The following ASIC2 variants were observed in gnomAD, a reference collection of about 807,000 sequenced individuals.
ASIC2 encodes acid-sensing ion channel 2.
In ASIC2, 25 loss-of-function variants were observed where a neutral mutation model predicts 57.3. The ratio of observed to expected loss-of-function variants is 0.44; its 90% CI spans 0.32 to 0.61. The LOEUF is 0.61. Among genes scored for constraint, ASIC2 ranks in the 20% least tolerant of loss-of-function variants. The pLI, the probability that ASIC2 is intolerant of heterozygous loss-of-function variation, is 0.06. For synonymous variants in ASIC2, 319 were observed against 307.5 expected (o/e 1.04, Z -0.39); for missense variants, 641 against 738.1 (o/e 0.87, Z 1.52).
intron 1 of ASIC2, among the ~76,000 whole-genome samples, chr17:33,664,192 G>A (rs936503120): frequency 6.6e-6 from 1 of 152,150 alleles, no homozygotes; most frequent in Admixed American, 6.5e-5. Context: ...TACACATGTT[G>A]CTTGCTTCCT....
At chr17:33,088,498 G>A (rs934159841) in intron 3 of ASIC2, among the ~76,000 whole-genome samples, 2 of 151,864 alleles carry the variant, frequency 1.3e-5, no homozygotes, top group Admixed American at 6.5e-5. Context: ...GCTTTGAATT[G>A]TATTAACGCA....
At chr17:33,753,315 G>A (rs1270351257) in intron 1 of ASIC2, among the ~76,000 whole-genome samples, 1 of 152,116 alleles carries the variant, frequency 6.6e-6, no homozygotes, top group East Asian at 1.9e-4. Context: ...GAAAAGGAGG[G>A]AAGAAGGGGT....
chr17:33,951,130 G>T (rs755900131), intron 1 of ASIC2, among the ~76,000 whole-genome samples: 2 of 151,936 alleles, frequency 1.3e-5, no homozygotes, highest in Non-Finnish European at 2.9e-5. Flanking sequence ...CATATATTTG[G>T]CAAGATTATT....
At chr17:33,063,967 G>C (rs1020844433) in intron 3 of ASIC2, among the ~76,000 whole-genome samples, 4 of 152,200 alleles carry the variant, frequency 2.6e-5, no homozygotes, top group Admixed American at 6.5e-5. Flanking sequence ...ACTGAAGCTT[G>C]TGCATTTGTC....
intron 1 of ASIC2, among the ~76,000 whole-genome samples, chr17:33,187,688 G>A (rs1188321258): frequency 6.6e-6 from 1 of 152,090 alleles, no homozygotes; most frequent in Non-Finnish European, 1.5e-5. Flanking sequence ...GCTAGTGACT[G>A]TGTTCCATTA....
At chr17:33,584,753 G>A (rs1027482670) in intron 1 of ASIC2, among the ~76,000 whole-genome samples, 1 of 152,108 alleles carries the variant, frequency 6.6e-6, no homozygotes, top group Middle Eastern at 3.2e-3. Flanking sequence ...GACCCCTCCT[G>A]CCTAGGCTGC....
intron 1 of ASIC2, among the ~76,000 whole-genome samples, chr17:33,537,253 CTG>C (rs1567643021): frequency 6.6e-6 from 1 of 152,132 alleles, no homozygotes. Flanking sequence ...GTCAGGGTCT[CTG>C]TGTTTGCTGA....
chr17:33,065,519 G>A (rs1270617488), intron 3 of ASIC2, among the ~76,000 whole-genome samples: 1 of 152,096 alleles, frequency 6.6e-6, no homozygotes, highest in Non-Finnish European at 1.5e-5. Context: ...GTCTTGCTTT[G>A]TCGCCCAGGC....
intron 1 of ASIC2, among the ~76,000 whole-genome samples, chr17:33,315,151 T>C (rs1906592478): frequency 6.6e-6 from 1 of 152,186 alleles, no homozygotes; most frequent in African/African-American, 2.4e-5. Flanking sequence ...CCTTGCATAT[T>C]AGAGCAATTA....
intron 1 of ASIC2, among the ~76,000 whole-genome samples, chr17:33,880,758 T>G (rs889107146): frequency 1.3e-5 from 2 of 152,226 alleles, no homozygotes; most frequent in African/African-American, 4.8e-5. Context: ...TAACTCATTT[T>G]ATGAGGCCAG....
intron 1 of ASIC2, among the ~76,000 whole-genome samples, chr17:34,021,832 G>GTT (rs1324168238): frequency 3.3e-5 from 4 of 121,418 alleles, no homozygotes; most frequent in African/African-American, 8.1e-5. Context: ...TTTGTGTTTT[G>GTT]TTTTGTTTTT....
At chr17:33,363,777 C>A (rs1908701904) in intron 1 of ASIC2, among the ~76,000 whole-genome samples, 1 of 152,208 alleles carries the variant, frequency 6.6e-6, no homozygotes, top group Non-Finnish European at 1.5e-5. Context: ...TATGGCTCCA[C>A]ACACGTCAGA....
At chr17:34,019,160 G>A (rs1213034856) in intron 1 of ASIC2, among the ~76,000 whole-genome samples, 5 of 152,034 alleles carry the variant, frequency 3.3e-5, no homozygotes, top group Non-Finnish European at 7.4e-5. Flanking sequence ...CGCCCTCCTT[G>A]GCCTCTCAAA....
chr17:33,164,626 G>A (rs570266566), intron 1 of ASIC2, among the ~76,000 whole-genome samples: 3 of 151,896 alleles, frequency 2.0e-5, no homozygotes, highest in South Asian at 2.1e-4. Context: ...GGTTATGCAC[G>A]CATGCAAACA....
At chr17:33,792,968 T>G (rs1911815594) in intron 1 of ASIC2, 1 of 152,230 alleles carries the variant, frequency 6.6e-6, no homozygotes, top group Admixed American at 6.5e-5. Flanking sequence ...TAAGTGAGAT[T>G]CATTCATCCA....
rs75388702 is a variant in ASIC2 at position 33,966,910 on chromosome 17, C to T, written c.555+189068G>A. ...TTCCATACAGGTCTCCATGACCCCC[C>T]GCACCCACCCCAGTCTTCCTCCTAG... is the stretch of plus-strand genomic sequence containing the variant. On this transcript the variant is annotated intron_variant, in intron 1 of 9. Coordinates refer to the ASIC2 transcript ENST00000359872. 8.9e-3 allele frequency among the ~76,000 whole-genome samples: 1,358 copies of T among 152,258 alleles called. 62 individuals are homozygous for T. The East Asian group carries it at 0.13, about 14-fold the overall frequency.
chr17:33,857,228 C>T (rs1279699882), intron 1 of ASIC2, among the ~76,000 whole-genome samples: 1 of 152,162 alleles, frequency 6.6e-6, no homozygotes, highest in Non-Finnish European at 1.5e-5. Context: ...CATGACGTAT[C>T]TTGACTAGAA....
intron 1 of ASIC2, among the ~76,000 whole-genome samples, chr17:33,374,487 C>T (rs1024757286): frequency 6.6e-6 from 1 of 152,150 alleles, no homozygotes; most frequent in African/African-American, 2.4e-5. Context: ...CCTCTGCCCA[C>T]CAAATTATCC....
At position 33,024,032 on chromosome 17, in the gene ASIC2, G is replaced by C. The variant is rs757068847; in HGVS notation, c.1196-18C>G. The stretch of plus-strand genomic sequence containing the variant: ...CAACAGACCTGGAGGGGAGAGTGAG[G>C]TGGGGCTTAGTCAGGTGTGGGCACT... On this transcript the variant is annotated intron_variant, in intron 5 of 9. Coordinates refer to ENST00000225823, the MANE Select transcript of ASIC2 (RefSeq NM_183377.2). 4 of 1,613,878 alleles carry C rather than the reference G, an allele frequency of 2.5e-6. No homozygotes were observed. In the Admixed American group the frequency reaches 6.7e-5, roughly 27 times the overall value.
Sources: gnomAD v4.1 joint callset for allele counts (sites outside exome capture counted in the v4.1 genomes callset) on GRCh38, gnomAD v4.1.1 for gene constraint, MANE v1.5 for transcripts, NCBI Gene and HGNC (gene_info 2026-07-23, HGNC 2026-07-21) for gene names.